Variants in SOX6 observed in about 807,000 individuals in gnomAD.
The protein encoded by SOX6 is SRY-box transcription factor 6.
Under a neutral mutation model 97.8 loss-of-function variants are expected in SOX6, and 11 were observed. That is an observed-to-expected ratio of 0.11 (90% CI 0.07 to 0.19). SOX6 has a LOEUF of 0.19. Among genes scored for constraint, SOX6 ranks in the 10% least tolerant of loss-of-function variants. SOX6 has a pLI of 1.00. For synonymous variants in SOX6, 360 were observed against 371.4 expected, an observed-to-expected ratio of 0.97 and a Z score of 0.35; for missense variants, 810 against 1,039.5, an observed-to-expected ratio of 0.78 and a Z score of 3.04.
chr11:16,340,924 G>C, intron 2 of SOX6, 88 bp downstream of exon 2: 1 of 1,567,448 alleles, frequency 6.4e-7, no homozygotes, highest in South Asian at 1.1e-5. Flanking sequence ...ATAACTCTAA[G>C]GTCATCTATT....
At chr11:16,645,121 T>C (rs1285739454) in intron 3 of SOX6, among the ~76,000 whole-genome samples, 1 of 152,358 alleles carries the variant, frequency 6.6e-6, no homozygotes, top group East Asian at 1.9e-4. Flanking sequence ...TCGTCATCCT[T>C]ACAATCACAG....
Position 16,186,878 on chromosome 11 carries a change from G to A in SOX6, c.613C>T (p.Leu205=). ...TTCTGTTCATCATGCGCTGCCAGTAGCTGCTCCCGTAAACTGATCAGCTGG... is the reference window on the plus strand; with the variant it reads ...TTCTGTTCATCATGCGCTGCCAGTAACTGCTCCCGTAAACTGATCAGCTGG... ...ITQLISLREQ[L]LAAHDEQKKL... Residue 205 remains leucine (L), a synonymous_variant, in exon 5 of 16, where the codon CTA becomes TTA. Coordinates refer to ENST00000683767, the MANE Select transcript of SOX6 (RefSeq NM_001367873.1). 6.2e-7 allele frequency: 1 copy of A among 1,613,822 alleles called. No individual in the cohort carries two copies. Among genetic ancestry groups the A allele is most frequent in the Non-Finnish European group, 8.5e-7 (1 of 1,179,844 alleles).
intron 2 of SOX6, among the ~76,000 whole-genome samples, chr11:16,733,293 C>G (rs1365402355): frequency 6.6e-6 from 1 of 152,146 alleles, no homozygotes; most frequent in Non-Finnish European, 1.5e-5. Context: ...TTTATTGGAG[C>G]ACTGTTCACA....
At position 16,025,729 on chromosome 11, in the gene SOX6, A is replaced by AT. The variant is rs201534991; in HGVS notation, c.1624-10680dup. ...AGCTGGAAAACTGATAAATTTGAAG[A>AT]TTTTTTTCCCTCAGAAACATAAACA... On this transcript the variant is annotated intron_variant, in intron 12 of 15. Transcript: ENST00000683767. Among the ~76,000 whole-genome samples, 1,144 of 152,192 alleles carry AT rather than the reference A, an allele frequency of 7.5e-3. 3 individuals carry two copies. The highest frequency in any genetic ancestry group is 0.02 in the Middle Eastern group (6 of 294).
Position 16,472,909 on chromosome 11 carries a change from A to G in SOX6, c.-5+3406T>C, listed in dbSNP as rs189867236. On this transcript the variant is annotated intron_variant, in intron 1 of 15. Coordinates refer to the SOX6 transcript ENST00000396356. The stretch of plus-strand genomic sequence containing the variant: ...GTGTCTTTGCTGTTATCAAATGTAA[A>G]AAAGCCCCTTAAATACCAACAGTTT... Among the ~76,000 whole-genome samples, 65 of 152,282 alleles carry G rather than the reference A, an allele frequency of 4.3e-4. 1 individual carries two copies. Among genetic ancestry groups the G allele is most frequent in the Admixed American group, 3.0e-3 (46 of 15,300 alleles).
intron 2 of SOX6, among the ~76,000 whole-genome samples, chr11:16,320,263 A>G (rs1006302086): frequency 3.9e-5 from 6 of 152,104 alleles, no homozygotes; most frequent in African/African-American, 1.4e-4. Flanking sequence ...TTGCTCCTCT[A>G]TATCTTTCCT....
At chr11:16,482,369 G>A (rs1307232459) in intron 4 of SOX6, among the ~76,000 whole-genome samples, 3 of 152,102 alleles carry the variant, frequency 2.0e-5, no homozygotes, top group Admixed American at 6.5e-5. Flanking sequence ...TTGGCTCACT[G>A]AGTTTAAAAC....
At chr11:16,101,765 T>A (rs1266891550) in intron 7 of SOX6, among the ~76,000 whole-genome samples, 1 of 151,522 alleles carries the variant, frequency 6.6e-6, no homozygotes, top group Non-Finnish European at 1.5e-5. Context: ...TAAACAGAAT[T>A]AAAAATAAAA....
intron 3 of SOX6, among the ~76,000 whole-genome samples, chr11:16,705,098 A>C (rs1417439404): frequency 6.6e-6 from 1 of 151,886 alleles, no homozygotes; most frequent in Non-Finnish European, 1.5e-5. Flanking sequence ...TCTCTACTAA[A>C]AATACAAAAA....
intron 1 of SOX6, among the ~76,000 whole-genome samples, chr11:16,374,947 T>G (rs1383171985): frequency 6.6e-6 from 1 of 151,970 alleles, no homozygotes; most frequent in Non-Finnish European, 1.5e-5. Context: ...CTATCACTGT[T>G]TTAAAAAAAG....
At chr11:16,344,212 T>G (rs530555771) in intron 1 of SOX6, among the ~76,000 whole-genome samples, 3 of 151,964 alleles carry the variant, frequency 2.0e-5, no homozygotes, top group South Asian at 4.1e-4. Flanking sequence ...ATTGTTGGGG[T>G]TTTTTTGTTT....
intron 1 of SOX6, among the ~76,000 whole-genome samples, chr11:16,437,083 T>G (rs1859389451): frequency 6.9e-6 from 1 of 145,652 alleles, no homozygotes; most frequent in Non-Finnish European, 1.5e-5. Context: ...ATAGTGAGAC[T>G]CCATCTTTAC....
At chr11:16,629,589 C>A (rs999400406) in intron 3 of SOX6, among the ~76,000 whole-genome samples, 1 of 152,070 alleles carries the variant, frequency 6.6e-6, no homozygotes, top group Non-Finnish European at 1.5e-5. Context: ...GTTTGGGTAT[C>A]AGAGTGATGC....
chr11:16,531,159 G>GAT lies in SOX6; in HGVS notation n.610-54773_610-54772dup, dbSNP rs1861230426. On this transcript the variant is annotated intron_variant and non_coding_transcript_variant, in intron 4 of 5. Coordinates refer to the SOX6 transcript ENST00000524520. ...AAAGAGAAGAGAATGTTTCCTCATAGATATATATAGAGAGAAAGAGAGAAA... is the reference window on the plus strand; with the variant it reads ...AAAGAGAAGAGAATGTTTCCTCATAGATATATATATAGAGAGAAAGAGAGAAA... Among the ~76,000 whole-genome samples, 3 of 150,404 alleles carry GAT rather than the reference G, an allele frequency of 2.0e-5. No individual in the cohort carries two copies. The Admixed American group carries it at 2.0e-4, about 10-fold the overall frequency.
chr11:16,271,461 T>C (rs990975933), intron 3 of SOX6, among the ~76,000 whole-genome samples: 1 of 151,466 alleles, frequency 6.6e-6, no homozygotes, highest in African/African-American at 2.4e-5. Context: ...TTTGAAGATA[T>C]GATAGCATTC....
chr11:16,484,598 G>C (rs1448574750), intron 4 of SOX6: 3 of 708,556 alleles, frequency 4.2e-6, no homozygotes, highest in Non-Finnish European at 7.9e-6. Flanking sequence ...CACCTGGCGT[G>C]GAGGGGGCTT....
chr11:16,232,866 A>G (rs1852901500), intron 4 of SOX6, among the ~76,000 whole-genome samples: 1 of 152,174 alleles, frequency 6.6e-6, no homozygotes, highest in African/African-American at 2.4e-5. Flanking sequence ...CTTTCTTTGT[A>G]TCCATCAATA....
chr11:16,601,736 CAT>C (rs1487123984), intron 4 of SOX6, among the ~76,000 whole-genome samples: 3 of 151,996 alleles, frequency 2.0e-5, no homozygotes, highest in Non-Finnish European at 4.4e-5. Context: ...ATAAGATAGA[CAT>C]GTGTAGCAAT....
At chr11:16,400,943 T>C (rs778204138) in intron 1 of SOX6, among the ~76,000 whole-genome samples, 3 of 151,564 alleles carry the variant, frequency 2.0e-5, no homozygotes, top group Non-Finnish European at 4.4e-5. Context: ...AAACAAACCA[T>C]GGCCTTTATA....
Sources: gnomAD v4.1 joint callset for allele counts (sites outside exome capture counted in the v4.1 genomes callset) on GRCh38, gnomAD v4.1.1 for gene constraint, MANE v1.5 for transcripts, NCBI Gene and HGNC (gene_info 2026-07-23, HGNC 2026-07-21) for gene names.